KMT2B: variants seen among roughly 807,000 people sequenced by gnomAD.
KMT2B encodes lysine methyltransferase 2B, also known as histone-lysine N-methyltransferase 2B.
In KMT2B, 22 loss-of-function variants were observed where a neutral mutation model predicts 255.3. The ratio of observed to expected loss-of-function variants is 0.09; its 90% CI spans 0.06 to 0.12. The LOEUF is 0.12. KMT2B is among the 10% of genes least tolerant of loss of function. The pLI, the probability that KMT2B is intolerant of heterozygous loss-of-function variation, is 1.00. For synonymous variants in KMT2B, 1,730 were observed against 1,498.1 expected (o/e 1.15, Z -3.57); for missense variants, 3,149 against 3,737.0 (o/e 0.84, Z 4.10).
intron 27 of KMT2B, 34 bp from the exon 28 acceptor site, chr19:35,732,181 G>A (rs1476090757): frequency 3.2e-6 from 5 of 1,567,138 alleles, no homozygotes; most frequent in Non-Finnish European, 4.3e-6. Flanking sequence ...CGCGGAGGTG[G>A]GAGCTGCTGG....
Position 35,732,764 on chromosome 19 carries a change from C to T in KMT2B, c.6215C>T (p.Ala2072Val). The T allele has an allele frequency of 6.2e-7, 1 of 1,609,754 alleles. No homozygotes were observed. The highest frequency in any genetic ancestry group is 2.2e-5 in the East Asian group (1 of 44,718). Residue 2072 changes from alanine (A) to valine (V), a missense_variant, in exon 28 of 37, where the codon GCT becomes GTT. Coordinates refer to ENST00000420124, the MANE Select transcript of KMT2B (RefSeq NM_014727.3). ...GTGGACGACGGCACTGACAGTGAGGCTGAGGCGGTGCAGCAGCCTCGGGGC... is the reference window on the plus strand; with the variant it reads ...GTGGACGACGGCACTGACAGTGAGGTTGAGGCGGTGCAGCAGCCTCGGGGC... ...DGVDDGTDSE[A>V]EAVQQPRGQG...
intron 9 of KMT2B, 121 bp downstream of exon 9, chr19:35,724,852 C>T (rs1344510243): frequency 6.2e-6 from 7 of 1,121,588 alleles, no homozygotes; most frequent in East Asian, 2.6e-5. Flanking sequence ...AGGGATGAGG[C>T]GGGCCTTGCC....
Position 35,725,121 on chromosome 19 carries a change from C to G in KMT2B, c.3528+34C>G. On this transcript the variant is annotated intron_variant, in intron 10 of 36. Transcript: ENST00000420124. This position sits in a 1 kb window ranked among gnomAD's most constrained non-coding sequence, Gnocchi z 4.1. ...TTGAGTGGGGCGAGTCACAGAGCCT[C>G]TGGTTGGAAGAACCTCGATGACTGT... 6.3e-7 allele frequency: 1 copy of G among 1,590,694 alleles called. No individual in the cohort carries two copies. Among genetic ancestry groups the G allele is most frequent in the Non-Finnish European group, 8.6e-7 (1 of 1,158,724 alleles).
intron 2 of KMT2B, 51 bp downstream of exon 2, chr19:35,719,592 G>A (rs928494243): frequency 6.5e-6 from 10 of 1,543,750 alleles, no homozygotes; most frequent in Non-Finnish European, 8.8e-6. Context: ...ATTTATCCTC[G>A]CCCTTCGTGT....
chr19:35,738,009 G>C lies in KMT2B; in HGVS notation c.7743-53G>C. ...ACAGGTGCACTGGGTAGGGGGTACT[G>C]TCTGGTTTCTGTCCCCCTCCCCCCT... On this transcript the variant is annotated intron_variant, in intron 35 of 36. Coordinates refer to ENST00000420124, the MANE Select transcript of KMT2B (RefSeq NM_014727.3). This position sits in a 1 kb window ranked among gnomAD's most constrained non-coding sequence, Gnocchi z 8.7. The C allele has an allele frequency of 6.2e-7, 1 of 1,613,000 alleles. No homozygotes were observed. The highest frequency in any genetic ancestry group is 8.5e-7 in the Non-Finnish European group (1 of 1,179,444).
Position 35,723,725 on chromosome 19 carries a change from C to G in KMT2B, c.3059-7C>G. The G allele has an allele frequency of 6.6e-7, 1 of 1,520,998 alleles. No individual in the cohort carries two copies. Among genetic ancestry groups the G allele is most frequent in the Non-Finnish European group, 8.8e-7 (1 of 1,134,450 alleles). 94.2% of individuals were successfully genotyped at this position (1,520,998 alleles called of 1,614,324 possible). A position where few individuals can be genotyped will look rare whatever the true frequency, so the allele number is the denominator to read the frequency against. The stretch of plus-strand genomic sequence containing the variant: ...CTCAAATCCTACTAAGTCCCCTGTT[C>G]CCGCAGGCCGGACGATAGTGAAGAC... On this transcript the variant is annotated splice_region_variant and splice_polypyrimidine_tract_variant and intron_variant, in intron 7 of 36. Coordinates refer to ENST00000420124, the MANE Select transcript of KMT2B (RefSeq NM_014727.3). The surrounding 1 kb of genome is among the most constrained non-coding windows in gnomAD (Gnocchi z 7.5).
Position 35,718,242 on chromosome 19 carries a change from G to T in KMT2B, c.224G>T (p.Arg75Leu). The T allele has an allele frequency of 8.4e-7, 1 of 1,192,686 alleles. No homozygotes were observed. The highest frequency in any genetic ancestry group is 1.0e-6 in the Non-Finnish European group (1 of 956,426). The allele number at this position is 1,192,686 out of a possible 1,614,324, so 73.9% of individuals were successfully genotyped here. The change falls in exon 1 of 37, where the codon CGG (arginine) becomes CTG (leucine). Residue 75 changes from arginine to leucine, a missense_variant. By Grantham distance (102) the Arg-to-Leu change is moderately radical (BLOSUM62 -2). This residue lies in a region of KMT2B where 1,188 missense variants were observed against 1,106.4 expected (regional missense o/e 1.07). Transcript: ENST00000420124. The surrounding 1 kb of genome is among the most constrained non-coding windows in gnomAD (Gnocchi z 5.0). ...CTGCTCCGTTTGCTGGGGCTCCGCC[G>T]GGGCCTGCGCCGGCTCCGCCGCCTG... is the stretch of plus-strand genomic sequence containing the variant. ...TALLRLLGLRRGLRRLRRLWA... is the reference protein window; with the variant it reads ...TALLRLLGLRLGLRRLRRLWA...
rs772689680 is a variant in KMT2B, at chr19:35,732,620, C to G, written c.6071C>G (p.Ser2024Cys). 2.5e-6 allele frequency: 4 copies of G among 1,612,108 alleles called. No individual in the cohort carries two copies. The South Asian group carries it at 4.4e-5, about 18-fold the overall frequency. The change falls in exon 28 of 37, where the codon TCC (serine) becomes TGC (cysteine). Residue 2024 changes from serine (S) to cysteine (C), a missense_variant. Coordinates refer to ENST00000420124, the MANE Select transcript of KMT2B (RefSeq NM_014727.3). Reference sequence around the variant, plus strand: ...AGCCACGGGGGCCCGGGGGACAGCTCCGAGGAGGAGTCCAGCCCCACCTCC... The same window carrying G: ...AGCCACGGGGGCCCGGGGGACAGCTGCGAGGAGGAGTCCAGCCCCACCTCC... ...GSSHGGPGDS[S>C]EEESSPTSRY...
rs1450046572 is a variant in KMT2B at position 35,733,418 on chromosome 19, C to T, written c.6869C>T (p.Pro2290Leu). ...RVSTFSGRSP[P>L]APPPYKAPRL... ...TCCACTTTCTCCGGCCGGTCCCCGC[C>T]AGCACCTCCCCCATACAAAGCCCCC... The change falls in exon 28 of 37, where the codon CCA (proline) becomes CTA (leucine). Residue 2290 changes from proline to leucine, a missense_variant. This residue lies in a region of KMT2B where 897 missense variants were observed against 825.3 expected (regional missense o/e 1.09). Coordinates refer to ENST00000420124, the MANE Select transcript of KMT2B (RefSeq NM_014727.3). The surrounding 1 kb of genome is among the most constrained non-coding windows in gnomAD (Gnocchi z 4.3). The T allele has an allele frequency of 1.3e-6, 2 of 1,553,404 alleles. No individual in the cohort carries two copies. The highest frequency in any genetic ancestry group is 1.9e-5 in the Admixed American group (1 of 51,674).
chr19:35,729,359 C>T (rs765303103), intron 22 of KMT2B, 63 bp downstream of exon 22: 88 of 1,532,214 alleles, frequency 5.7e-5, no homozygotes, highest in East Asian at 7.3e-5. Context: ...TCCTCCGGTG[C>T]AAACAGCTCT....
In KMT2B at chr19:35,725,460, T is replaced by C; in HGVS notation, c.3643-19T>C. On this transcript the variant is annotated intron_variant, in intron 11 of 36. Transcript: ENST00000420124. The surrounding 1 kb of genome is among the most constrained non-coding windows in gnomAD (Gnocchi z 4.1). ...GCCTCATGCTATGCCCATCATTCAC[T>C]CCTTTACCCTGTCCCCAGCTGGTGT... is the stretch of plus-strand genomic sequence containing the variant. 2.5e-6 allele frequency: 4 copies of C among 1,609,062 alleles called. No homozygotes were observed. The highest frequency in any genetic ancestry group is 3.4e-6 in the Non-Finnish European group (4 of 1,179,566).
At chr19:35,724,959 G>A in intron 9 of KMT2B, 30 bp from the exon 10 acceptor site, 1 of 1,492,368 alleles carries the variant, frequency 6.7e-7, no homozygotes, top group Non-Finnish European at 9.4e-7. Flanking sequence ...CAGGCTGGCA[G>A]CTCTGAATTC....
rs191770935 is a variant in KMT2B, at chr19:35,732,750, C to T, written c.6201C>T (p.Gly2067=). 3.8e-4 allele frequency: 615 copies of T among 1,610,438 alleles called. No individual in the cohort carries two copies. Among genetic ancestry groups the T allele is most frequent in the Non-Finnish European group, 4.6e-4 (542 of 1,178,742 alleles). ...AACAGCTGGACGGCGTGGACGACGGCACTGACAGTGAGGCTGAGGCGGTGC... is the reference window on the plus strand; with the variant it reads ...AACAGCTGGACGGCGTGGACGACGGTACTGACAGTGAGGCTGAGGCGGTGC... The part of the protein sequence containing the change: ...RIEQLDGVDD[G]TDSEAEAVQQ... Residue 2067 remains glycine, a synonymous_variant, in exon 28 of 37, where the codon GGC becomes GGT. Transcript: ENST00000420124.
rs971041993 is a variant in KMT2B, at chr19:35,737,541, T to C, written c.7551-95T>C. The C allele has an allele frequency of 2.2e-5, 20 of 900,276 alleles. No homozygotes were observed. The highest frequency in any genetic ancestry group is 3.4e-5 in the Non-Finnish European group (20 of 596,974). The allele number at this position is 900,276 out of a possible 1,614,324, so 55.8% of individuals were successfully genotyped here. On this transcript the variant is annotated intron_variant, in intron 33 of 36. Transcript: ENST00000420124. The surrounding 1 kb of genome is among the most constrained non-coding windows in gnomAD (Gnocchi z 5.3). ...TAAAATAAAAATTTAAAAAAGTTAT[T>C]TCTAGAGCTGACATCAGAAAAATGA... is the stretch of plus-strand genomic sequence containing the variant.
intron 25 of KMT2B, 40 bp from the exon 26 acceptor site, chr19:35,730,667 C>A: frequency 1.2e-6 from 2 of 1,613,898 alleles, no homozygotes; most frequent in Non-Finnish European, 1.7e-6. Context: ...AGCTGGATCC[C>A]ATTTCCCAAG....
chr19:35,732,671 T>G lies in KMT2B; in HGVS notation c.6122T>G (p.Val2041Gly). ...CGCTACATCCACTTCCCTGTGACTGTGGTGTCCGCCCCTGGTCTGGCCCCC... is the reference window on the plus strand; with the variant it reads ...CGCTACATCCACTTCCCTGTGACTGGGGTGTCCGCCCCTGGTCTGGCCCCC... ...TSRYIHFPVT[V>G]VSAPGLAPSA... is the part of the protein sequence containing the mutation. Residue 2041 changes from valine (V) to glycine (G), a missense_variant, in exon 28 of 37, where the codon GTG becomes GGG. Coordinates refer to ENST00000420124, the MANE Select transcript of KMT2B (RefSeq NM_014727.3). 6.2e-7 allele frequency: 1 copy of G among 1,609,994 alleles called. No individual in the cohort carries two copies. Among genetic ancestry groups the G allele is most frequent in the Non-Finnish European group, 8.5e-7 (1 of 1,178,352 alleles).
At position 35,732,033 on chromosome 19, in the gene KMT2B, C is replaced by G. The variant is rs762658603; in HGVS notation, c.5563C>G (p.Pro1855Ala). ...GCCAGATTCAGGCAGCGCCCCTCCTCCAGCCCCCCGTTCTTTTTCGGGGGC... is the reference window on the plus strand; with the variant it reads ...GCCAGATTCAGGCAGCGCCCCTCCTGCAGCCCCCCGTTCTTTTTCGGGGGC... ...LRPDSGSAPP[P>A]APRSFSGARI... Residue 1855 changes from proline to alanine, a missense_variant, in exon 27 of 37, where the codon CCA becomes GCA. Coordinates refer to ENST00000420124, the MANE Select transcript of KMT2B (RefSeq NM_014727.3). 6.2e-7 allele frequency: 1 copy of G among 1,612,990 alleles called. No individual in the cohort carries two copies. The highest frequency in any genetic ancestry group is 8.5e-7 in the Non-Finnish European group (1 of 1,179,588).
Position 35,733,516 on chromosome 19 carries a change from C to T in KMT2B, c.6959+8C>T, listed in dbSNP as rs760301480. On this transcript the variant is annotated splice_region_variant and intron_variant, in intron 28 of 36. Transcript: ENST00000420124. This position sits in a 1 kb window ranked among gnomAD's most constrained non-coding sequence, Gnocchi z 4.3. ...AGGGCTTGGCAGTGGCGGGTGAGTG[C>T]GGGTGCTGAGGCTGGCAGAGCAGGC... 6 of 1,552,514 alleles carry T rather than the reference C, an allele frequency of 3.9e-6. No individual in the cohort carries two copies. The highest frequency in any genetic ancestry group is 1.4e-5 in the African/African-American group (1 of 73,082).
chr19:35,736,938 G>C lies in KMT2B; in HGVS notation c.7324G>C (p.Val2442Leu). ...EGAWRTLIEKVQEARGHARLR... is the reference protein window; with the variant it reads ...EGAWRTLIEKLQEARGHARLR... ...GGCGTGGAGAACTCTGATCGAGAAA[G>C]TGCAAGAGGCCCGAGGGCATGCCCG... The change falls in exon 32 of 37, where the codon GTG (valine) becomes CTG (leucine). Residue 2442 changes from valine to leucine, a missense_variant. Transcript: ENST00000420124. 1 of 1,613,970 alleles carries C rather than the reference G, an allele frequency of 6.2e-7. No individual in the cohort carries two copies.
Sources: gnomAD v4.1 joint callset for allele counts on GRCh38, gnomAD v4.1.1 for gene constraint, gnomAD v4.1.1 regional missense constraint, Gnocchi (gnomAD v3.1) non-coding constraint, MANE v1.5 for transcripts, NCBI Gene and HGNC (gene_info 2026-07-23, HGNC 2026-07-21) for gene names.